VPS13B: variants seen among roughly 807,000 people sequenced by gnomAD.
VPS13B encodes the protein vacuolar protein sorting 13 homolog B.
VPS13B carries 285 observed loss-of-function variants against 426.4 expected under a neutral mutation model. The ratio of observed to expected loss-of-function variants is 0.67; its 90% CI spans 0.61 to 0.74. VPS13B has a LOEUF of 0.74. Among genes scored for constraint, VPS13B ranks in the 30% least tolerant of loss-of-function variants. The pLI is 0.00. For synonymous variants in VPS13B, 1,676 were observed against 1,676.4 expected (o/e 1.00, Z 0.01); for missense variants, 4,537 against 4,782.6 (o/e 0.95, Z 1.51).
intron 33 of VPS13B, among the ~76,000 whole-genome samples, chr8:99,592,462 C>G (rs1218263011): frequency 6.6e-6 from 1 of 151,956 alleles, no homozygotes; most frequent in African/African-American, 2.4e-5. Flanking sequence ...TTTTATCTAC[C>G]TTTGGTCTTT....
At chr8:99,181,474 T>A (rs1412672870) in intron 16 of VPS13B, among the ~76,000 whole-genome samples, 1 of 152,180 alleles carries the variant, frequency 6.6e-6, no homozygotes, top group East Asian at 1.9e-4. Context: ...CTCTGCCACT[T>A]CCTAGCCTTG....
chr8:99,392,348 A>G (rs1051793482), intron 21 of VPS13B, among the ~76,000 whole-genome samples: 5 of 151,974 alleles, frequency 3.3e-5, no homozygotes, highest in African/African-American at 1.2e-4. Flanking sequence ...TAATTCATCA[A>G]TATATAATTA....
rs74870232 is a variant in VPS13B at position 99,133,181 on chromosome 8, G to C, written c.1207-1451G>C. ...TTAATTATCTTAGCTAGGTCTTCTG[G>C]GTAACTGCGTGCAGCTTCTACGTCA... On this transcript the variant is annotated intron_variant, in intron 8 of 61. Coordinates refer to ENST00000357162, the MANE Select transcript of VPS13B (RefSeq NM_152564.5). Among the ~76,000 whole-genome samples the C allele has an allele frequency of 9.1e-3, 1,387 of 152,238 alleles. 7 individuals are homozygous for C. Among genetic ancestry groups the C allele is most frequent in the Non-Finnish European group, 0.014 (986 of 68,016 alleles).
intron 22 of VPS13B, among the ~76,000 whole-genome samples, chr8:99,438,350 G>T (rs748250907): frequency 6.6e-6 from 1 of 151,996 alleles, no homozygotes; most frequent in Non-Finnish European, 1.5e-5. Flanking sequence ...AAACTCCTTG[G>T]CCTTTATTTT....
intron 8 of VPS13B, among the ~76,000 whole-genome samples, chr8:99,126,092 CTGA>C (rs1365674146): frequency 6.6e-6 from 1 of 152,056 alleles, no homozygotes; most frequent in African/African-American, 2.4e-5. Context: ...GATGGAAAGT[CTGA>C]TGATCTCTAA....
At chr8:99,421,227 T>G (rs887299371) in intron 21 of VPS13B, among the ~76,000 whole-genome samples, 1 of 152,136 alleles carries the variant, frequency 6.6e-6, no homozygotes, top group African/African-American at 2.4e-5. Flanking sequence ...AAGATATAAT[T>G]GTTGATATGT....
intron 33 of VPS13B, among the ~76,000 whole-genome samples, chr8:99,609,188 A>G (rs575613540): frequency 4.6e-5 from 7 of 152,314 alleles, no homozygotes; most frequent in Non-Finnish European, 8.8e-5. Context: ...TCTTTCACCC[A>G]TGCACGATTT....
At chr8:99,239,095 A>C (rs1377980840) in intron 17 of VPS13B, among the ~76,000 whole-genome samples, 1 of 152,070 alleles carries the variant, frequency 6.6e-6, no homozygotes, top group Non-Finnish European at 1.5e-5. Flanking sequence ...TTTAATGAGC[A>C]TCCCAGTGTT....
At chr8:99,209,764 AC>A (rs1352373509) in intron 17 of VPS13B, 1 of 927,652 alleles carries the variant, frequency 1.1e-6, no homozygotes, top group Non-Finnish European at 1.3e-6. Flanking sequence ...AAAATGGCTC[AC>A]ATATTAAATA....
chr8:99,215,784 G>A (rs1035053254), intron 17 of VPS13B, among the ~76,000 whole-genome samples: 4 of 152,242 alleles, frequency 2.6e-5, no homozygotes, highest in African/African-American at 9.6e-5. Flanking sequence ...GAAGGAAAGC[G>A]GATGTTCAGT....
chr8:99,539,469 A>G (rs1335740148), intron 30 of VPS13B, among the ~76,000 whole-genome samples: 6 of 152,210 alleles, frequency 3.9e-5, no homozygotes, highest in African/African-American at 1.4e-4. Flanking sequence ...AAATTAGGCC[A>G]GTGCCATGGC....
At chr8:99,618,751 G>A (rs757232113) in intron 33 of VPS13B, among the ~76,000 whole-genome samples, 3 of 152,064 alleles carry the variant, frequency 2.0e-5, no homozygotes, top group Non-Finnish European at 4.4e-5. Flanking sequence ...CTTTGACCTC[G>A]TTCTCTTTTA....
At chr8:99,358,818 G>A (rs1025594589) in intron 19 of VPS13B, among the ~76,000 whole-genome samples, 3 of 152,146 alleles carry the variant, frequency 2.0e-5, no homozygotes, top group Non-Finnish European at 2.9e-5. Flanking sequence ...AAGATAAGTA[G>A]GGAAGACCTC....
intron 35 of VPS13B, among the ~76,000 whole-genome samples, chr8:99,663,373 G>T (rs1347432446): frequency 1.3e-5 from 2 of 152,114 alleles, no homozygotes; most frequent in Non-Finnish European, 2.9e-5. Context: ...ATAAACTCTA[G>T]ATATGGTTTT....
Position 99,809,500 on chromosome 8 carries a change from G to T in VPS13B, c.8067G>T (p.Lys2689Asn), listed in dbSNP as rs1813589483. 1.2e-6 allele frequency: 2 copies of T among 1,613,964 alleles called. No individual in the cohort carries two copies. The highest frequency in any genetic ancestry group is 2.7e-5 in the African/African-American group (2 of 74,982). ...GTCGAACTGCTTCTCTCATCATCAA[G>T]GTTCAGCAACTCAATGGAGTACAAA... is the stretch of plus-strand genomic sequence containing the variant. ...YRGRTASLII[K>N]VQQLNGVQKQ... The change falls in exon 44 of 62, where the codon AAG (lysine) becomes AAT (asparagine). Residue 2689 changes from lysine to asparagine, a missense_variant. By Grantham distance (94) the Lys-to-Asn change is moderately conservative. Transcript: ENST00000357162.
At chr8:99,424,018 G>A (rs559033835) in intron 21 of VPS13B, among the ~76,000 whole-genome samples, 10 of 152,132 alleles carry the variant, frequency 6.6e-5, no homozygotes, top group Admixed American at 3.9e-4. Flanking sequence ...GTGTTAAGTC[G>A]CCCATTATTA....
chr8:99,813,050 C>G (rs1380409524), intron 44 of VPS13B, among the ~76,000 whole-genome samples: 1 of 152,124 alleles, frequency 6.6e-6, no homozygotes, highest in Non-Finnish European at 1.5e-5. Context: ...CCATAATTTT[C>G]AAAATAAAGG....
chr8:99,712,931 A>G (rs1588646874), intron 36 of VPS13B, among the ~76,000 whole-genome samples: 2 of 152,088 alleles, frequency 1.3e-5, no homozygotes, highest in African/African-American at 4.8e-5. Context: ...AGAGCCTTCC[A>G]TCAACTCTAC....
Position 99,853,857 on chromosome 8 carries a change from A to G in VPS13B, c.10468A>G (p.Ile3490Val), listed in dbSNP as rs398124325. ...LCITLNEGKS[I>V]LCDINEFSFE... is the part of the protein sequence containing the mutation. The stretch of plus-strand genomic sequence containing the variant: ...CATCACCTTAAATGAAGGCAAGAGC[A>G]TCCTCTGTGATATTAATGAGTTCAG... The change falls in exon 56 of 62, where the codon ATC becomes GTC. Residue 3490 changes from isoleucine (I) to valine (V), a missense_variant. This residue lies in a region of VPS13B where 4,311 missense variants were observed against 4,474.3 expected (regional missense o/e 0.96). Transcript: ENST00000357162. 2.5e-6 allele frequency: 4 copies of G among 1,614,270 alleles called. No homozygotes were observed. The African/African-American group carries it at 5.3e-5, about 22-fold the overall frequency.
Sources: gnomAD v4.1 joint callset for allele counts (sites outside exome capture counted in the v4.1 genomes callset) on GRCh38, gnomAD v4.1.1 for gene constraint, gnomAD v4.1.1 regional missense constraint, MANE v1.5 for transcripts, NCBI Gene and HGNC (gene_info 2026-07-23, HGNC 2026-07-21) for gene names.